The following GALNT10 variants were observed in gnomAD, a reference collection of about 807,000 sequenced individuals.
The protein encoded by GALNT10 is polypeptide N-acetylgalactosaminyltransferase 10.
In GALNT10, 41 loss-of-function variants were observed where a neutral mutation model predicts 75.0. The observed-to-expected ratio is 0.55, with a 90% CI of 0.43 to 0.71. GALNT10 has a LOEUF of 0.71. GALNT10 is among the 30% of genes least tolerant of loss of function. The probability of loss-of-function intolerance (pLI) is 0.00; values close to 1 mark genes in which losing one functional copy is unlikely to be tolerated. For synonymous variants in GALNT10, 302 were observed against 313.0 expected (o/e 0.96, Z 0.37); for missense variants, 727 against 818.5 (o/e 0.89, Z 1.36).
intron 1 of GALNT10, among the ~76,000 whole-genome samples, chr5:154,273,108 G>A (rs1394188128): frequency 6.6e-6 from 1 of 152,164 alleles, no homozygotes; most frequent in Non-Finnish European, 1.5e-5. Flanking sequence ...GAGAGGAGTG[G>A]AGAGGTTAAC....
At chr5:154,296,052 G>C (rs535441938) in intron 2 of GALNT10, among the ~76,000 whole-genome samples, 1 of 152,226 alleles carries the variant, frequency 6.6e-6, no homozygotes, top group East Asian at 1.9e-4. Flanking sequence ...AAATGAGAAG[G>C]GGGAATGGGT....
At chr5:154,393,008 A>C (rs1755933990) in intron 7 of GALNT10, 1 of 149,282 alleles carries the variant, frequency 6.7e-6, no homozygotes, top group Admixed American at 6.8e-5. Flanking sequence ...AATAAGTTAG[A>C]GCATATCTAA....
intron 1 of GALNT10, among the ~76,000 whole-genome samples, chr5:154,211,318 G>T (rs1381933491): frequency 6.6e-6 from 1 of 152,042 alleles, no homozygotes. Context: ...GTATTGAACT[G>T]TTCAGTCAAC....
intron 1 of GALNT10, among the ~76,000 whole-genome samples, chr5:154,236,206 A>G (rs1365511177): frequency 6.6e-6 from 1 of 152,162 alleles, no homozygotes; most frequent in African/African-American, 2.4e-5. Context: ...CAAATGGCTT[A>G]ACCTCCTGGA....
intron 1 of GALNT10, among the ~76,000 whole-genome samples, chr5:154,199,387 C>A (rs559822211): frequency 6.6e-6 from 1 of 152,130 alleles, no homozygotes; most frequent in Non-Finnish European, 1.5e-5. Flanking sequence ...CAGGACCCGC[C>A]CTTGAACTTC....
chr5:154,342,070 G>T (rs958546677), intron 4 of GALNT10, among the ~76,000 whole-genome samples: 2 of 152,262 alleles, frequency 1.3e-5, no homozygotes, highest in South Asian at 4.1e-4. Flanking sequence ...CGGGCACATG[G>T]TCATCATTCC....
At chr5:154,374,235 A>C (rs964621663) in intron 4 of GALNT10, among the ~76,000 whole-genome samples, 2 of 152,206 alleles carry the variant, frequency 1.3e-5, no homozygotes. Flanking sequence ...AGAAGTGGGA[A>C]AGGGCGAGGG....
In GALNT10 at chr5:154,331,085, G is replaced by T. The variant is rs137996211; in HGVS notation, c.568+1347G>T. ...ACAGGTGGAATTAAAATACATATTT[G>T]TGTGAACATTGGTGTGTTGTGTGCC... is the stretch of plus-strand genomic sequence containing the variant. On this transcript the variant is annotated intron_variant, in intron 4 of 11. Coordinates refer to ENST00000297107, the MANE Select transcript of GALNT10 (RefSeq NM_198321.4). Among the ~76,000 whole-genome samples the T allele has an allele frequency of 3.0e-4, 46 of 152,042 alleles. No individual in the cohort carries two copies. The East Asian group carries it at 6.4e-3, about 21-fold the overall frequency.
chr5:154,237,085 A>C (rs1422788), intron 1 of GALNT10, among the ~76,000 whole-genome samples: 93,389 of 152,064 alleles, frequency 0.61, 29,709 homozygotes, highest in East Asian at 0.84. Context: ...ATGGTCCTAA[A>C]CTGGTTCTTT....
chr5:154,208,092 A>C (rs1192730359), intron 1 of GALNT10, among the ~76,000 whole-genome samples: 1 of 152,228 alleles, frequency 6.6e-6, no homozygotes, highest in African/African-American at 2.4e-5. Context: ...CCTGCTGTGT[A>C]GCTGGCATTT....
At chr5:154,358,842 C>T (rs1755337361) in intron 4 of GALNT10, among the ~76,000 whole-genome samples, 1 of 152,206 alleles carries the variant, frequency 6.6e-6, no homozygotes, top group Non-Finnish European at 1.5e-5. Context: ...AGAGCATTCT[C>T]AGGACACTCT....
intron 1 of GALNT10, among the ~76,000 whole-genome samples, chr5:154,256,140 T>C (rs1008493893): frequency 7.9e-5 from 12 of 151,944 alleles, no homozygotes; most frequent in African/African-American, 2.4e-4. Context: ...CTTGAATGAG[T>C]GACACTGCCT....
chr5:154,416,441 T>TA lies in GALNT10; in HGVS notation c.1654-366dup, dbSNP rs1393600382. Among the ~76,000 whole-genome samples, 1 of 129,492 alleles carries TA rather than the reference T, an allele frequency of 7.7e-6. No homozygotes were observed. The highest frequency in any genetic ancestry group is 3.0e-5 in the African/African-American group (1 of 33,306). The allele number at this position is 129,492 out of a possible 152,430, so 85.0% of individuals were successfully genotyped here. A position where few individuals can be genotyped will look rare whatever the true frequency, so the allele number is the denominator to read the frequency against. The stretch of plus-strand genomic sequence containing the variant: ...GAGTGAGAACCTGTCTCAAAAAAAT[T>TA]AAAAAAATTAAAAAAATAAAAGATA... On this transcript the variant is annotated intron_variant, in intron 11 of 11. Coordinates refer to ENST00000297107, the MANE Select transcript of GALNT10 (RefSeq NM_198321.4). The surrounding 1 kb of genome is among the most constrained non-coding windows in gnomAD (Gnocchi z 4.5).
intron 1 of GALNT10, among the ~76,000 whole-genome samples, chr5:154,213,239 A>G (rs1278591750): frequency 2.0e-5 from 3 of 152,186 alleles, no homozygotes; most frequent in Non-Finnish European, 4.4e-5. Flanking sequence ...AAGAGTTGAG[A>G]TGAGAGAAGT....
chr5:154,355,193 T>C lies in GALNT10; in HGVS notation c.569-21084T>C, dbSNP rs554668042. Among the ~76,000 whole-genome samples, 1,426 of 152,272 alleles carry C rather than the reference T, an allele frequency of 9.4e-3. 31 individuals carry two copies. The highest frequency in any genetic ancestry group is 0.033 in the African/African-American group (1,351 of 41,548). On this transcript the variant is annotated intron_variant, in intron 4 of 11. Coordinates refer to ENST00000297107, the MANE Select transcript of GALNT10 (RefSeq NM_198321.4). The stretch of plus-strand genomic sequence containing the variant: ...CTCCCAAGGTCAGGCCTGACATTGC[T>C]AGGAGACAGAGGCACGGGGCCCCAC...
In GALNT10 at chr5:154,417,484, G is replaced by T. The variant is rs763021374; in HGVS notation, c.*512G>T. ...GGGGCTTTTTAGTTTCTGCCGTCCTGGGGGGAACATTGCAGTTACTGCACA... is the reference window on the plus strand; with the variant it reads ...GGGGCTTTTTAGTTTCTGCCGTCCTTGGGGGAACATTGCAGTTACTGCACA... On this transcript the variant is annotated 3_prime_UTR_variant, in exon 12 of 12. Coordinates refer to ENST00000297107, the MANE Select transcript of GALNT10 (RefSeq NM_198321.4). The T allele has an allele frequency of 1.3e-5, 2 of 156,208 alleles. No homozygotes were observed. Among genetic ancestry groups the T allele is most frequent in the South Asian group, 1.9e-4 (1 of 5,184 alleles). 9.7% of individuals were successfully genotyped at this position (156,208 alleles called of 1,614,324 possible). A position where few individuals can be genotyped will look rare whatever the true frequency, so the allele number is the denominator to read the frequency against.
At chr5:154,394,031 C>G (rs1029008555) in intron 7 of GALNT10, among the ~76,000 whole-genome samples, 1 of 152,114 alleles carries the variant, frequency 6.6e-6, no homozygotes, top group African/African-American at 2.4e-5. Context: ...AGGGTCTGCT[C>G]CAAGAGGCAG....
intron 10 of GALNT10, among the ~76,000 whole-genome samples, chr5:154,414,692 T>C (rs1360187666): frequency 2.0e-5 from 3 of 152,052 alleles, no homozygotes; most frequent in African/African-American, 7.2e-5. Context: ...TGTAAACATA[T>C]GTCAAGATGT....
rs543511257 is a variant in GALNT10, at chr5:154,370,227, G to A, written c.569-6050G>A. On this transcript the variant is annotated intron_variant, in intron 4 of 11. Coordinates refer to ENST00000297107, the MANE Select transcript of GALNT10 (RefSeq NM_198321.4). ...TGAAAATCAGATGAGATGAAGGTTC[G>A]CAGACGCCTCTGGCTTGGGTGCTAG... Among the ~76,000 whole-genome samples, 21 of 152,354 alleles carry A rather than the reference G, an allele frequency of 1.4e-4. 1 individual carries two copies. The East Asian group carries it at 3.7e-3, about 27-fold the overall frequency.
Sources: allele counts gnomAD v4.1 joint callset (sites outside exome capture counted in the v4.1 genomes callset), GRCh38; gene constraint gnomAD v4.1.1; non-coding constraint Gnocchi (gnomAD v3.1); transcripts MANE v1.5; gene names NCBI Gene and HGNC (gene_info 2026-07-23, HGNC 2026-07-21).